The following MCM9 variants were observed in gnomAD, a reference collection of about 807,000 sequenced individuals.
The protein encoded by MCM9 is minichromosome maintenance 9 homologous recombination repair factor.
MCM9 carries 55 observed loss-of-function variants against 72.8 expected under a neutral mutation model. The observed-to-expected ratio is 0.76, with a 90% confidence interval of 0.61 to 0.95. The LOEUF (loss-of-function observed/expected upper bound fraction) is 0.95. Among genes scored for constraint, MCM9 ranks in the 40% least tolerant of loss-of-function variants. The pLI, the probability that MCM9 is intolerant of heterozygous loss-of-function variation, is 0.00. For missense variants in MCM9, 1,279 were observed against 1,377.0 expected (o/e 0.93, Z 1.13); for synonymous variants, 480 against 503.4 (o/e 0.95, Z 0.62).
At chr6:118,892,716 T>A (rs755232569) in intron 8 of MCM9, among the ~76,000 whole-genome samples, 1 of 152,226 alleles carries the variant, frequency 6.6e-6, no homozygotes, top group Non-Finnish European at 1.5e-5. Flanking sequence ...CTTAATACTC[T>A]AATGTCACAA....
At chr6:118,877,529 A>C (rs758310079) in intron 8 of MCM9, among the ~76,000 whole-genome samples, 3 of 152,250 alleles carry the variant, frequency 2.0e-5, no homozygotes, top group Non-Finnish European at 2.9e-5. Flanking sequence ...TTAAGTATTT[A>C]AAAATCTGAC....
At chr6:118,862,189 C>T (rs1012131304) in intron 8 of MCM9, among the ~76,000 whole-genome samples, 1 of 152,184 alleles carries the variant, frequency 6.6e-6, no homozygotes, top group Non-Finnish European at 1.5e-5. Context: ...GCTTCCTGGG[C>T]CCCCAAGAGT....
Position 118,826,977 on chromosome 6 carries a change from A to G in MCM9, c.1733-113T>C, listed in dbSNP as rs1013714508. On this transcript the variant is annotated intron_variant, in intron 11 of 13. Transcript: ENST00000619706. ...TTATGAATGAGCTATTAATAACAAC[A>G]TAATTTTACTAGAACAAGCACAAAA... 1.2e-5 allele frequency: 10 copies of G among 800,084 alleles called. No individual in the cohort carries two copies. The African/African-American group carries it at 1.6e-4, about 13-fold the overall frequency. 49.6% of individuals were successfully genotyped at this position (800,084 alleles called of 1,614,324 possible). A position where few individuals can be genotyped will look rare whatever the true frequency, so the allele number is the denominator to read the frequency against.
rs375293762 is a variant in MCM9 at position 118,917,574 on chromosome 6, G to C, written c.891C>G (p.Ser297Arg). ...TTAAACACAAACCTGCAAAGGGATC[G>C]CTCTTATAGTATTCCCAAAAATCTT... is the stretch of plus-strand genomic sequence containing the variant. Reference protein sequence around the residue: ...EFEDFWEYYKSDPFAGRNVIL... With the variant: ...EFEDFWEYYKRDPFAGRNVIL... Residue 297 changes from serine (S) to arginine (R), a missense_variant, in exon 6 of 14, where the codon AGC (serine) becomes AGG (arginine). Physicochemically the swap from Ser to Arg is moderately radical, Grantham distance 110 (BLOSUM62 -1). Transcript: ENST00000619706. The C allele has an allele frequency of 4.3e-6, 7 of 1,613,896 alleles. No individual in the cohort carries two copies. The highest frequency in any genetic ancestry group is 5.1e-6 in the Non-Finnish European group (6 of 1,179,942).
chr6:118,887,049 T>C (rs147571494), intron 8 of MCM9, among the ~76,000 whole-genome samples: 2,334 of 152,326 alleles, frequency 0.015, 28 homozygotes, highest in Middle Eastern at 0.044. Context: ...GGCAGCATCA[T>C]GAAGATGGCA....
At chr6:118,907,818 TTA>T (rs1780278543) in intron 8 of MCM9, 2 of 498,094 alleles carry the variant, frequency 4.0e-6, no homozygotes, top group African/African-American at 3.8e-5. Flanking sequence ...CTCTAATGTG[TTA>T]TTTTATTTGT....
chr6:118,891,952 C>G (rs1309257454), intron 8 of MCM9, among the ~76,000 whole-genome samples: 2 of 152,228 alleles, frequency 1.3e-5, no homozygotes, highest in African/African-American at 4.8e-5. Context: ...AGTGACCCAT[C>G]TGTTGTACAA....
Position 118,814,788 on chromosome 6 carries a change from G to A in MCM9, c.*36C>T, listed in dbSNP as rs1773300500. ...TATCCTGAAGGTCCTCTGTGGAGTT[G>A]AAGAAGGTGAGATTTGACCAGAAAG... On this transcript the variant is annotated 3_prime_UTR_variant, in exon 14 of 14. Coordinates refer to ENST00000619706, the MANE Select transcript of MCM9 (RefSeq NM_017696.3). 1 of 1,466,308 alleles carries A rather than the reference G, an allele frequency of 6.8e-7. No homozygotes were observed. Among genetic ancestry groups the A allele is most frequent in the Admixed American group, 2.7e-5 (1 of 37,634 alleles). 90.8% of individuals were successfully genotyped at this position (1,466,308 alleles called of 1,614,324 possible).
chr6:118,930,327 T>C (rs1009658773), intron 3 of MCM9, among the ~76,000 whole-genome samples: 16 of 152,234 alleles, frequency 1.1e-4, no homozygotes, highest in Admixed American at 2.0e-4. Context: ...TTAGCCAGGA[T>C]GGTCTCGATT....
Position 118,900,914 on chromosome 6 carries a change from A to G in MCM9, c.1150+10736T>C, listed in dbSNP as rs755848874. 7.1e-6 allele frequency: 10 copies of G among 1,417,680 alleles called. No homozygotes were observed. In the East Asian group the frequency reaches 2.0e-4, roughly 29 times the overall value. The allele number at this position is 1,417,680 out of a possible 1,614,324, so 87.8% of individuals were successfully genotyped here. A position where few individuals can be genotyped will look rare whatever the true frequency, so the allele number is the denominator to read the frequency against. ...TAATCTTGGTAAATGTGTATGCCAA[A>G]TATGTTTCGAAGTAGACTATATTAT... is the stretch of plus-strand genomic sequence containing the variant. On this transcript the variant is annotated intron_variant, in intron 8 of 13. Coordinates refer to ENST00000619706, the MANE Select transcript of MCM9 (RefSeq NM_017696.3).
chr6:118,897,880 T>C (rs974822743), intron 8 of MCM9, among the ~76,000 whole-genome samples: 2 of 151,292 alleles, frequency 1.3e-5, no homozygotes, highest in Non-Finnish European at 2.9e-5. Context: ...GTATTGAGCA[T>C]GTAAAACTCA....
intron 9 of MCM9, among the ~76,000 whole-genome samples, chr6:118,852,720 A>G (rs939939840): frequency 1.3e-5 from 2 of 152,212 alleles, no homozygotes; most frequent in African/African-American, 4.8e-5. Flanking sequence ...ATGCATTTTT[A>G]TATTTTTAAA....
intron 8 of MCM9, among the ~76,000 whole-genome samples, chr6:118,880,518 A>C (rs1778221119): frequency 6.6e-6 from 1 of 152,220 alleles, no homozygotes; most frequent in South Asian, 2.1e-4. Flanking sequence ...CCATTTCCTG[A>C]AATCTGTGGC....
In MCM9 at chr6:118,814,391, A is replaced by C. The variant is rs1773279867; in HGVS notation, c.*433T>G. The C allele has an allele frequency of 8.9e-6, 1 of 112,336 alleles. No individual in the cohort carries two copies. Among genetic ancestry groups the C allele is most frequent in the African/African-American group, 4.1e-5 (1 of 24,510 alleles). The allele number at this position is 112,336 out of a possible 1,614,324, so 7.0% of individuals were successfully genotyped here. A position where few individuals can be genotyped will look rare whatever the true frequency, so the allele number is the denominator to read the frequency against. Reference sequence around the variant, plus strand: ...CTTAGCCCATTCCAGGTGAAAATACAAAAAAAAAAAAAAAAAGTAGAAAAG... The same window carrying C: ...CTTAGCCCATTCCAGGTGAAAATACCAAAAAAAAAAAAAAAAGTAGAAAAG... On this transcript the variant is annotated 3_prime_UTR_variant, in exon 14 of 14. Coordinates refer to ENST00000619706, the MANE Select transcript of MCM9 (RefSeq NM_017696.3).
chr6:118,817,121 A>T, intron 13 of MCM9, among the ~76,000 whole-genome samples: 1 of 152,044 alleles, frequency 6.6e-6, no homozygotes, highest in East Asian at 1.9e-4. Context: ...CAGAAGGACA[A>T]CTTTCTTGTT....
chr6:118,824,764 T>A (rs183246437), intron 13 of MCM9, among the ~76,000 whole-genome samples: 1 of 152,218 alleles, frequency 6.6e-6, no homozygotes, highest in African/African-American at 2.4e-5. Context: ...AAAACTCATA[T>A]GCTGGTTGGG....
At chr6:118,888,768 A>G (rs1308822076) in intron 8 of MCM9, among the ~76,000 whole-genome samples, 3 of 152,236 alleles carry the variant, frequency 2.0e-5, no homozygotes, top group Non-Finnish European at 4.4e-5. Flanking sequence ...GCATCAATAT[A>G]TAACACAACA....
chr6:118,931,063 T>C (rs1782383089), intron 3 of MCM9, among the ~76,000 whole-genome samples: 2 of 152,244 alleles, frequency 1.3e-5, no homozygotes, highest in South Asian at 2.1e-4. Context: ...TGAAGATCCC[T>C]GGACAAGATC....
chr6:118,841,255 C>T (rs988678911), intron 9 of MCM9, among the ~76,000 whole-genome samples: 1 of 152,236 alleles, frequency 6.6e-6, no homozygotes, highest in African/African-American at 2.4e-5. Flanking sequence ...TGGTGGCACA[C>T]TTGGATACCT....
Sources: gnomAD v4.1 joint callset for allele counts (sites outside exome capture counted in the v4.1 genomes callset) on GRCh38, gnomAD v4.1.1 for gene constraint, MANE v1.5 for transcripts, NCBI Gene and HGNC (gene_info 2026-07-23, HGNC 2026-07-21) for gene names.